The following CRTAC1 variants were observed in gnomAD, a reference collection of about 807,000 sequenced individuals.
CRTAC1 encodes the protein acidic secreted protein in cartilage.
CRTAC1 carries 37 observed loss-of-function variants against 67.8 expected under a neutral mutation model. The ratio of observed to expected loss-of-function variants is 0.55; its 90% CI spans 0.42 to 0.72. CRTAC1 has a LOEUF of 0.72. Among genes scored for constraint, CRTAC1 ranks in the 30% least tolerant of loss-of-function variants. The pLI, the probability that CRTAC1 is intolerant of heterozygous loss-of-function variation, is 0.00. For synonymous variants in CRTAC1, 348 were observed against 371.0 expected, an observed-to-expected ratio of 0.94 and a Z score of 0.71; for missense variants, 780 against 931.6, an observed-to-expected ratio of 0.84 and a Z score of 2.12.
At chr10:97,984,802 A>G (rs1309818720) in intron 2 of CRTAC1, among the ~76,000 whole-genome samples, 1 of 152,208 alleles carries the variant, frequency 6.6e-6, no homozygotes, top group Non-Finnish European at 1.5e-5. Flanking sequence ...GACTTACGTG[A>G]AAAGGAAATT....
chr10:97,968,648 G>A (rs572599433), intron 2 of CRTAC1, among the ~76,000 whole-genome samples: 270 of 152,300 alleles, frequency 1.8e-3, no homozygotes, highest in Middle Eastern at 6.8e-3. Context: ...ACACAGCAAG[G>A]CTGAATTCCC....
rs577315974 is a variant in CRTAC1, at chr10:97,908,146, C to A, written c.717G>T (p.Gly239=). The change falls in exon 6 of 15, where the codon GGG becomes GGT. Residue 239 remains glycine (G), a splice_region_variant and synonymous_variant. Coordinates refer to ENST00000370597, the MANE Select transcript of CRTAC1 (RefSeq NM_018058.7). The part of the protein sequence containing the change: ...AAEAGVSKYT[G]GRGVSVGPIL... ...TGGGGCCCACGCTGACGCCTCGGCC[C>A]CCTAGAAAAGACATCGACCCACAGT... is the stretch of plus-strand genomic sequence containing the variant. The A allele has an allele frequency of 1.2e-5, 19 of 1,613,970 alleles. 2 individuals carry two copies. In the African/African-American group the frequency reaches 2.5e-4, roughly 22 times the overall value.
intron 5 of CRTAC1, among the ~76,000 whole-genome samples, chr10:97,915,873 C>G (rs1287428283): frequency 2.6e-5 from 4 of 152,186 alleles, no homozygotes; most frequent in African/African-American, 9.7e-5. Flanking sequence ...CAGCCTCCCT[C>G]TGTTCCTCCA....
intron 2 of CRTAC1, among the ~76,000 whole-genome samples, chr10:97,990,480 T>A (rs896460572): frequency 7.2e-5 from 11 of 152,208 alleles, no homozygotes; most frequent in Non-Finnish European, 2.9e-5. Flanking sequence ...CCAAGTCGAG[T>A]CCTTCTCCTT....
At chr10:97,915,126 G>A (rs1013827577) in intron 5 of CRTAC1, among the ~76,000 whole-genome samples, 5 of 152,230 alleles carry the variant, frequency 3.3e-5, no homozygotes, top group Non-Finnish European at 5.9e-5. Context: ...ACAACAACCC[G>A]GGTGGGGCTG....
At chr10:98,028,759 A>G (rs1046663737) in intron 1 of CRTAC1, among the ~76,000 whole-genome samples, 2 of 152,196 alleles carry the variant, frequency 1.3e-5, no homozygotes, top group African/African-American at 4.8e-5. Context: ...GCAGACAACG[A>G]TGGAGCTGGG....
intron 11 of CRTAC1, among the ~76,000 whole-genome samples, chr10:97,894,708 TTACATATATA>T (rs2050425017): frequency 7.5e-5 from 3 of 39,994 alleles, no homozygotes; most frequent in African/African-American, 2.1e-4. Flanking sequence ...CCTGATGCTT[TTACATATATA>T]TATATATATA....
rs576617717 is a variant in CRTAC1 at position 98,028,927 on chromosome 10, C to A, written c.24+1522G>T. Reference sequence around the variant, plus strand: ...GCAGGTTCCCCAGACTCCCTACACACCGTTTCGACCTTTTCCAGAGTCCAT... The same window carrying A: ...GCAGGTTCCCCAGACTCCCTACACAACGTTTCGACCTTTTCCAGAGTCCAT... On this transcript the variant is annotated intron_variant, in intron 1 of 14. Coordinates refer to ENST00000370597, the MANE Select transcript of CRTAC1 (RefSeq NM_018058.7). Among the ~76,000 whole-genome samples the A allele has an allele frequency of 3.3e-5, 5 of 152,268 alleles. 1 individual carries two copies. The East Asian group carries it at 9.7e-4, about 29-fold the overall frequency.
chr10:97,874,090 C>G (rs2050120608), intron 14 of CRTAC1, among the ~76,000 whole-genome samples: 1 of 152,226 alleles, frequency 6.6e-6, no homozygotes. Context: ...GTGCTGGGAG[C>G]AGCCTGGAGC....
chr10:98,006,778 T>C (rs932639479), intron 2 of CRTAC1, among the ~76,000 whole-genome samples: 1 of 152,100 alleles, frequency 6.6e-6, no homozygotes, highest in Non-Finnish European at 1.5e-5. Flanking sequence ...CAAAAGTAAA[T>C]GCCTTCAGGG....
chr10:97,892,481 CCA>C (rs1269511581), intron 11 of CRTAC1, among the ~76,000 whole-genome samples: 1 of 152,204 alleles, frequency 6.6e-6, no homozygotes, highest in Non-Finnish European at 1.5e-5. Flanking sequence ...AGGTGTTAAG[CCA>C]CAGTCAGGAA....
At chr10:98,019,940 C>T (rs1843081883) in intron 1 of CRTAC1, among the ~76,000 whole-genome samples, 1 of 152,208 alleles carries the variant, frequency 6.6e-6, no homozygotes, top group Non-Finnish European at 1.5e-5. Flanking sequence ...CCCCTTCAAA[C>T]CCCAACACTG....
chr10:97,873,963 C>T (rs1311788369), intron 14 of CRTAC1, among the ~76,000 whole-genome samples: 2 of 152,192 alleles, frequency 1.3e-5, no homozygotes, highest in Admixed American at 6.5e-5. Flanking sequence ...TTGATGGGCA[C>T]GTATCCTGAC....
intron 2 of CRTAC1, among the ~76,000 whole-genome samples, chr10:97,954,390 T>A: frequency 6.6e-6 from 1 of 152,212 alleles, no homozygotes; most frequent in East Asian, 1.9e-4. Context: ...AATGCCAATC[T>A]GAGCATTACA....
intron 6 of CRTAC1, among the ~76,000 whole-genome samples, chr10:97,907,588 C>G (rs1228229206): frequency 6.6e-6 from 1 of 152,230 alleles, no homozygotes; most frequent in East Asian, 1.9e-4. Context: ...AGTGGGCATC[C>G]CTGGTTCCCA....
intron 14 of CRTAC1, chr10:97,869,194 G>C (rs1487684157): frequency 6.6e-6 from 1 of 152,306 alleles, no homozygotes; most frequent in Non-Finnish European, 1.5e-5. Flanking sequence ...TTTTGAGGCC[G>C]GGCTGGCACC....
At chr10:98,004,726 A>G (rs1268254777) in intron 2 of CRTAC1, among the ~76,000 whole-genome samples, 1 of 152,120 alleles carries the variant, frequency 6.6e-6, no homozygotes, top group Non-Finnish European at 1.5e-5. Flanking sequence ...AAAAAGCTAC[A>G]TCTATATGTT....
At chr10:97,922,845 G>T (rs2050859844) in intron 4 of CRTAC1, among the ~76,000 whole-genome samples, 1 of 152,178 alleles carries the variant, frequency 6.6e-6, no homozygotes, top group Non-Finnish European at 1.5e-5. Flanking sequence ...TTTATGAAGG[G>T]CCCCACGGCT....
At chr10:97,868,426 G>A (rs2050052747) in intron 14 of CRTAC1, 1 of 152,298 alleles carries the variant, frequency 6.6e-6, no homozygotes, top group South Asian at 2.1e-4. Flanking sequence ...AGCTGCCTGA[G>A]GCTGCAGGGA....
Sources: gnomAD v4.1 joint callset for allele counts (sites outside exome capture counted in the v4.1 genomes callset) on GRCh38, gnomAD v4.1.1 for gene constraint, MANE v1.5 for transcripts, NCBI Gene and HGNC (gene_info 2026-07-23, HGNC 2026-07-21) for gene names.